Variants in SYN3 observed in about 807,000 individuals in gnomAD.
SYN3 encodes the protein synapsin III.
Under a neutral mutation model 65.8 loss-of-function variants are expected in SYN3, and 35 were observed. The ratio of observed to expected loss-of-function variants is 0.53; its 90% CI spans 0.41 to 0.70. The LOEUF is 0.70. Among genes scored for constraint, SYN3 ranks in the 30% least tolerant of loss-of-function variants. SYN3 has a pLI of 0.00. For missense variants in SYN3, 680 were observed against 749.0 expected, an observed-to-expected ratio of 0.91 and a Z score of 1.08; for synonymous variants, 270 against 292.9, an observed-to-expected ratio of 0.92 and a Z score of 0.80.
At chr22:32,775,152 T>C (rs374774379) in intron 6 of SYN3, among the ~76,000 whole-genome samples, 21 of 152,176 alleles carry the variant, frequency 1.4e-4, no homozygotes, top group African/African-American at 4.6e-4. Flanking sequence ...ACCTTCTCAC[T>C]GTGTCCTCAT....
chr22:32,926,119 T>C (rs1373491428), intron 4 of SYN3, among the ~76,000 whole-genome samples: 3 of 152,198 alleles, frequency 2.0e-5, no homozygotes, highest in African/African-American at 7.2e-5. Flanking sequence ...CCCAAAGTGC[T>C]GGGATTACAG....
In SYN3 at chr22:32,508,309, C is replaced by T. The variant is rs9609585; in HGVS notation, c.*5383G>A. 0.17 allele frequency among the ~76,000 whole-genome samples: 25,779 copies of T among 152,110 alleles called. 2,472 individuals are homozygous for T. Among genetic ancestry groups the T allele is most frequent in the Non-Finnish European group, 0.22 (14,716 of 67,988 alleles). ...GCACTGAGCACCTTGTGACCCCCGC[C>T]CCTGCCCACCAGAGAACAACCCCCT... On this transcript the variant is annotated 3_prime_UTR_variant, in exon 14 of 14. Coordinates refer to ENST00000358763, the MANE Select transcript of SYN3 (RefSeq NM_003490.4).
At chr22:32,642,625 C>G (rs907187479) in intron 6 of SYN3, among the ~76,000 whole-genome samples, 7 of 151,692 alleles carry the variant, frequency 4.6e-5, no homozygotes, top group Non-Finnish European at 8.8e-5. Flanking sequence ...TATTTTTAGT[C>G]GAGATGGGGT....
At chr22:32,538,631 A>G (rs938162050) in intron 8 of SYN3, among the ~76,000 whole-genome samples, 3 of 152,022 alleles carry the variant, frequency 2.0e-5, no homozygotes, top group African/African-American at 7.3e-5. Context: ...TCCACTGCCC[A>G]TGGCTCTTTC....
intron 6 of SYN3, among the ~76,000 whole-genome samples, chr22:32,847,446 CTGTG>C (rs760999365): frequency 1.1e-4 from 16 of 152,326 alleles, no homozygotes; most frequent in Non-Finnish European, 2.2e-4. Context: ...TTGCCAATGA[CTGTG>C]TGTTTTGCCA....
At chr22:33,033,454 A>AC (rs1479782251) in intron 1 of SYN3, among the ~76,000 whole-genome samples, 1 of 151,854 alleles carries the variant, frequency 6.6e-6, no homozygotes, top group African/African-American at 2.4e-5. Flanking sequence ...TTCTGTTGTA[A>AC]CCCCCAGCAC....
intron 4 of SYN3, among the ~76,000 whole-genome samples, chr22:32,872,936 CTTTTTTTTT>C (rs35506480): frequency 8.7e-6 from 1 of 115,202 alleles, no homozygotes; most frequent in Non-Finnish European, 1.7e-5. Context: ...GCCCTAAGCA[CTTTTTTTTT>C]TTTTTTTTTT....
intron 6 of SYN3, among the ~76,000 whole-genome samples, chr22:32,834,577 C>G (rs1482414732): frequency 6.6e-6 from 1 of 152,164 alleles, no homozygotes; most frequent in Admixed American, 6.5e-5. Context: ...GTGGAGGTGG[C>G]AGGGGGAGGT....
chr22:32,906,487 A>C (rs2049906077), intron 4 of SYN3, among the ~76,000 whole-genome samples: 1 of 152,110 alleles, frequency 6.6e-6, no homozygotes, highest in African/African-American at 2.4e-5. Context: ...AAAATAGTAA[A>C]TATATTAATA....
intron 4 of SYN3, among the ~76,000 whole-genome samples, chr22:32,916,860 T>C (rs1354930736): frequency 1.3e-5 from 2 of 152,148 alleles, no homozygotes; most frequent in Middle Eastern, 3.2e-3. Flanking sequence ...TAAATGAAGA[T>C]AGAGAGTTTG....
chr22:32,702,601 C>G (rs915215120), intron 6 of SYN3, among the ~76,000 whole-genome samples: 1 of 152,186 alleles, frequency 6.6e-6, no homozygotes, highest in African/African-American at 2.4e-5. Context: ...AAAAGATCTT[C>G]TGATATCCAC....
chr22:32,932,547 T>C (rs2050661670), intron 3 of SYN3, among the ~76,000 whole-genome samples: 1 of 152,142 alleles, frequency 6.6e-6, no homozygotes, highest in Non-Finnish European at 1.5e-5. Context: ...GGGAGGAATG[T>C]CACAGTCACC....
chr22:32,859,719 T>C (rs2048482942), intron 6 of SYN3: 2 of 298,458 alleles, frequency 6.7e-6, no homozygotes, highest in South Asian at 4.1e-5. Context: ...CATTTGAGGA[T>C]TGTAATTCCC....
chr22:32,849,506 C>A, intron 6 of SYN3: 1 of 1,613,618 alleles, frequency 6.2e-7, no homozygotes, highest in Non-Finnish European at 8.5e-7. Context: ...CCCTTCGGCA[C>A]GCTGGTCTAC....
intron 3 of SYN3, among the ~76,000 whole-genome samples, chr22:32,959,665 G>A (rs1415634666): frequency 6.6e-6 from 1 of 152,050 alleles, no homozygotes; most frequent in East Asian, 1.9e-4. Flanking sequence ...TGCGATCACG[G>A]CTCACTGCTG....
intron 10 of SYN3, chr22:32,530,204 C>T (rs1305238132): frequency 6.6e-6 from 1 of 152,204 alleles, no homozygotes; most frequent in African/African-American, 2.4e-5. Flanking sequence ...GAATAAGACG[C>T]CCTTGTGATA....
chr22:32,802,987 C>T (rs2046630492), intron 6 of SYN3, among the ~76,000 whole-genome samples: 1 of 152,164 alleles, frequency 6.6e-6, no homozygotes, highest in Non-Finnish European at 1.5e-5. Flanking sequence ...AGACCTCCTA[C>T]TCCTTAGTGT....
intron 1 of SYN3, among the ~76,000 whole-genome samples, chr22:33,038,457 G>A (rs2053899714): frequency 6.6e-6 from 1 of 152,148 alleles, no homozygotes; most frequent in Non-Finnish European, 1.5e-5. Context: ...GCCCACCCAC[G>A]CTCTCTTAAC....
intron 6 of SYN3, among the ~76,000 whole-genome samples, chr22:32,687,378 A>G (rs2147139081): frequency 6.6e-6 from 1 of 151,780 alleles, no homozygotes; most frequent in African/African-American, 2.4e-5. Context: ...TCGCCAGGCT[A>G]GTCTTGAACT....
Sources: gnomAD v4.1 joint callset for allele counts (sites outside exome capture counted in the v4.1 genomes callset) on GRCh38, gnomAD v4.1.1 for gene constraint, MANE v1.5 for transcripts, NCBI Gene and HGNC (gene_info 2026-07-23, HGNC 2026-07-21) for gene names.